Variants in C12orf42 observed in about 807,000 individuals in gnomAD.
C12orf42 encodes chromosome 12 open reading frame 42, also known as uncharacterized protein C12orf42.
In C12orf42, 25 loss-of-function variants were observed where a neutral mutation model predicts 21.6. The ratio of observed to expected loss-of-function variants is 1.16; its 90% CI spans 0.84 to 1.62. The LOEUF is 1.62. Ranked by LOEUF, C12orf42 falls within the 40% of genes most tolerant of loss-of-function variation. The pLI, the probability that C12orf42 is intolerant of heterozygous loss-of-function variation, is 0.00. For synonymous variants in C12orf42, 174 were observed against 175.0 expected (o/e 0.99, Z 0.05); for missense variants, 483 against 459.3 (o/e 1.05, Z -0.47).
chr12:103,519,179 G>C, the C12orf42 span, among the ~76,000 whole-genome samples: 2 of 152,118 alleles, frequency 1.3e-5, no homozygotes, highest in Non-Finnish European at 2.9e-5. Context: ...TTCATCTTCT[G>C]CCATGATTGC....
the C12orf42 span, among the ~76,000 whole-genome samples, chr12:103,190,145 T>C: frequency 3.3e-5 from 5 of 152,042 alleles, no homozygotes; most frequent in African/African-American, 7.2e-5. Context: ...GAGAAGCAGA[T>C]AGTGCAGACC....
At chr12:103,186,596 TG>T in the C12orf42 span, among the ~76,000 whole-genome samples, 2 of 152,302 alleles carry the variant, frequency 1.3e-5, no homozygotes, top group Non-Finnish European at 2.9e-5. Context: ...TCTTGTTGAT[TG>T]TTTTTTTAAT....
At chr12:103,279,108 T>A (rs899577118) in intron 4 of C12orf42, among the ~76,000 whole-genome samples, 1 of 152,248 alleles carries the variant, frequency 6.6e-6, no homozygotes, top group Non-Finnish European at 1.5e-5. Flanking sequence ...AAAGTTTTGA[T>A]GATGCAAGAT....
chr12:103,380,717 T>G (rs949328788), intron 3 of C12orf42, among the ~76,000 whole-genome samples: 7 of 152,232 alleles, frequency 4.6e-5, no homozygotes, highest in African/African-American at 7.2e-5. Context: ...TACATTTTAT[T>G]TTCTTGCTTA....
At chr12:103,053,075 G>T in the C12orf42 span, among the ~76,000 whole-genome samples, 4 of 152,012 alleles carry the variant, frequency 2.6e-5, no homozygotes, top group South Asian at 4.2e-4. Context: ...TGAAGTTTAG[G>T]TTCCCTCACT....
chr12:103,282,286 G>A (rs1288133233), intron 4 of C12orf42, among the ~76,000 whole-genome samples: 1 of 152,166 alleles, frequency 6.6e-6, no homozygotes, highest in Non-Finnish European at 1.5e-5. Flanking sequence ...GATGAGAGAG[G>A]AAGTGAAATG....
chr12:103,309,763 T>C (rs532437330), intron 4 of C12orf42, among the ~76,000 whole-genome samples: 2 of 152,346 alleles, frequency 1.3e-5, no homozygotes, highest in East Asian at 3.9e-4. Context: ...TAAAAACTTG[T>C]AGCAAGACAC....
the C12orf42 span, among the ~76,000 whole-genome samples, chr12:103,524,514 G>GGC: frequency 2.0e-5 from 3 of 152,196 alleles, no homozygotes; most frequent in Non-Finnish European, 4.4e-5. Context: ...CCCTGGGCAA[G>GGC]TCCTCCCTCT....
the C12orf42 span, among the ~76,000 whole-genome samples, chr12:103,203,111 C>T: frequency 2.0e-5 from 3 of 152,128 alleles, no homozygotes; most frequent in African/African-American, 7.2e-5. Flanking sequence ...GATATTGGGC[C>T]AGGAGAATAC....
downstream of C12orf42, among the ~76,000 whole-genome samples, chr12:103,236,661 C>A (rs1266334640): frequency 6.6e-6 from 1 of 152,052 alleles, no homozygotes; most frequent in East Asian, 1.9e-4. Flanking sequence ...AAAATTGGTT[C>A]TTCTACAATG....
At chr12:103,230,573 C>A in the C12orf42 span, among the ~76,000 whole-genome samples, 1 of 152,168 alleles carries the variant, frequency 6.6e-6, no homozygotes, top group Non-Finnish European at 1.5e-5. Flanking sequence ...TAACATGTGT[C>A]CATCACAGAG....
At chr12:103,535,881 G>A in the C12orf42 span, among the ~76,000 whole-genome samples, 112 of 152,216 alleles carry the variant, frequency 7.4e-4, no homozygotes, top group African/African-American at 2.6e-3. Flanking sequence ...GGTCTCAATT[G>A]ACCCTCTCAC....
intron 4 of C12orf42, among the ~76,000 whole-genome samples, chr12:103,319,781 T>C (rs2039905825): frequency 6.6e-6 from 1 of 152,252 alleles, no homozygotes; most frequent in African/African-American, 2.4e-5. Context: ...AGTGCAGGGC[T>C]ATTTGGGTCA....
chr12:103,119,665 A>C, the C12orf42 span, among the ~76,000 whole-genome samples: 1 of 152,320 alleles, frequency 6.6e-6, no homozygotes, highest in East Asian at 1.9e-4. Flanking sequence ...TTAACCATTA[A>C]AAAATTAGAT....
chr12:103,326,615 C>G (rs2040738122), intron 4 of C12orf42, among the ~76,000 whole-genome samples: 1 of 152,192 alleles, frequency 6.6e-6, no homozygotes, highest in Non-Finnish European at 1.5e-5. Flanking sequence ...CAAGCTTGTT[C>G]CTACCCAGGT....
At chr12:103,058,235 A>G in the C12orf42 span, among the ~76,000 whole-genome samples, 1 of 152,088 alleles carries the variant, frequency 6.6e-6, no homozygotes, top group Non-Finnish European at 1.5e-5. Flanking sequence ...GATTACAGGC[A>G]TGAGCCACCT....
At chr12:103,439,680 G>A (rs1431908172) in intron 2 of C12orf42, among the ~76,000 whole-genome samples, 2 of 151,850 alleles carry the variant, frequency 1.3e-5, no homozygotes, top group African/African-American at 2.4e-5. Context: ...CTGGCCATCA[G>A]AGAAATGCAA....
At chr12:103,147,101 C>G in the C12orf42 span, among the ~76,000 whole-genome samples, 1 of 152,124 alleles carries the variant, frequency 6.6e-6, no homozygotes, top group Non-Finnish European at 1.5e-5. Flanking sequence ...GATACATTCA[C>G]GTATAGAAGC....
chr12:103,285,307 T>G (rs2036374883), intron 4 of C12orf42, among the ~76,000 whole-genome samples: 1 of 152,214 alleles, frequency 6.6e-6, no homozygotes, highest in Non-Finnish European at 1.5e-5. Flanking sequence ...AGCACTAAAC[T>G]TAAAGCAATT....
Sources: allele counts gnomAD v4.1 joint callset (sites outside exome capture counted in the v4.1 genomes callset), GRCh38; gene constraint gnomAD v4.1.1; transcripts MANE v1.5; gene names NCBI Gene and HGNC (gene_info 2026-07-23, HGNC 2026-07-21).